The following MTSS1 variants were observed in gnomAD, a reference collection of about 807,000 sequenced individuals.
MTSS1 encodes MTSS I-BAR domain containing 1, also known as protein MTSS 1.
In MTSS1, 18 loss-of-function variants were observed where a neutral mutation model predicts 79.0. That is an observed-to-expected ratio of 0.23 (90% CI 0.16 to 0.34). The LOEUF is 0.34. Among genes scored for constraint, MTSS1 ranks in the 10% least tolerant of loss-of-function variants. MTSS1 has a pLI of 1.00. For synonymous variants in MTSS1, 341 were observed against 368.6 expected, an observed-to-expected ratio of 0.93 and a Z score of 0.86; for missense variants, 815 against 986.2, an observed-to-expected ratio of 0.83 and a Z score of 2.33.
intron 3 of MTSS1, among the ~76,000 whole-genome samples, chr8:124,688,238 G>A (rs1434156124): frequency 6.6e-6 from 1 of 151,724 alleles, no homozygotes; most frequent in African/African-American, 2.4e-5. Flanking sequence ...TGTATGTTGT[G>A]TATGTTGTGC....
At chr8:124,644,050 C>G (rs1420160708) in intron 3 of MTSS1, among the ~76,000 whole-genome samples, 4 of 152,060 alleles carry the variant, frequency 2.6e-5, no homozygotes, top group Non-Finnish European at 4.4e-5. Flanking sequence ...TGCTTGAGTA[C>G]AGAAAGAAGA....
rs1232606796 is a variant in MTSS1 at position 124,624,700 on chromosome 8, T to C, written c.209-33465A>G. Among the ~76,000 whole-genome samples the C allele has an allele frequency of 2.6e-5, 4 of 152,182 alleles. No homozygotes were observed. The East Asian group carries it at 7.7e-4, about 29-fold the overall frequency. On this transcript the variant is annotated intron_variant, in intron 3 of 13. Transcript: ENST00000518547. ...ATATCCCTGCACCATGCCAGCCACGTTGATGGCGCTGAAATAAATGTCTGT... is the reference window on the plus strand; with the variant it reads ...ATATCCCTGCACCATGCCAGCCACGCTGATGGCGCTGAAATAAATGTCTGT...
At position 124,552,428 on chromosome 8, in the gene MTSS1, A is replaced by G. The variant is rs574445075; in HGVS notation, c.*564T>C. The G allele has an allele frequency of 7.1e-5, 11 of 154,324 alleles. No homozygotes were observed. Among genetic ancestry groups the G allele is most frequent in the African/African-American group, 2.4e-4 (10 of 41,522 alleles). The allele number at this position is 154,324 out of a possible 1,614,324, so 9.6% of individuals were successfully genotyped here. On this transcript the variant is annotated 3_prime_UTR_variant, in exon 14 of 14. Transcript: ENST00000518547. ...TCCCAACACAGTCTACCATTTCCAG[A>G]TTTACTTCACTCTGAATATTGCTCA...
intron 3 of MTSS1, among the ~76,000 whole-genome samples, chr8:124,658,631 G>A (rs1012682354): frequency 2.2e-4 from 33 of 152,198 alleles, no homozygotes; most frequent in African/African-American, 8.0e-4. Flanking sequence ...AATGCAAAGA[G>A]GGAGCTAGGA....
chr8:124,631,122 A>C (rs1161978222), intron 3 of MTSS1, among the ~76,000 whole-genome samples: 1 of 152,212 alleles, frequency 6.6e-6, no homozygotes, highest in East Asian at 1.9e-4. Flanking sequence ...CTTGAGCCTG[A>C]AACATACACG....
At chr8:124,637,201 C>T (rs1817172331) in intron 3 of MTSS1, among the ~76,000 whole-genome samples, 1 of 152,202 alleles carries the variant, frequency 6.6e-6, no homozygotes. Context: ...TTTCTAGAGC[C>T]ATCCTACTCC....
At chr8:124,694,273 C>T (rs1262819704) in intron 3 of MTSS1, among the ~76,000 whole-genome samples, 3 of 152,058 alleles carry the variant, frequency 2.0e-5, no homozygotes, top group Non-Finnish European at 4.4e-5. Flanking sequence ...GGCCACTGTG[C>T]CATCTGCTTG....
rs555606194 is a variant in MTSS1, at chr8:124,706,042, C to G, written c.73-1851G>C. ...TGAAGAAACAATTACAGTATTACTT[C>G]AGTTTCATTTTCTTCTGTTAAATGA... On this transcript the variant is annotated intron_variant, in intron 1 of 13. Transcript: ENST00000518547. Among the ~76,000 whole-genome samples the G allele has an allele frequency of 2.0e-5, 3 of 152,316 alleles. No individual in the cohort carries two copies. The East Asian group carries it at 5.8e-4, about 29-fold the overall frequency.
At chr8:124,571,932 C>A (rs1827877482) in intron 6 of MTSS1, among the ~76,000 whole-genome samples, 1 of 152,008 alleles carries the variant, frequency 6.6e-6, no homozygotes, top group African/African-American at 2.4e-5. Flanking sequence ...CCACTGCACT[C>A]CAGCCTGGGC....
chr8:124,600,140 C>T (rs1462841052), intron 3 of MTSS1, among the ~76,000 whole-genome samples: 1 of 151,898 alleles, frequency 6.6e-6, no homozygotes, highest in Non-Finnish European at 1.5e-5. Context: ...CTGTGATTTC[C>T]ATGTCGGGCT....
chr8:124,660,432 GCACACACACACACACACACA>G (rs5894719), intron 3 of MTSS1, among the ~76,000 whole-genome samples: 1 of 140,706 alleles, frequency 7.1e-6, no homozygotes, highest in East Asian at 2.1e-4. Context: ...CCATGCGCAT[GCACACACACACACACACACA>G]CACACACACA....
intron 3 of MTSS1, among the ~76,000 whole-genome samples, chr8:124,666,820 G>T (rs910605624): frequency 2.6e-5 from 4 of 152,150 alleles, no homozygotes; most frequent in African/African-American, 9.7e-5. Flanking sequence ...ATTAATGGGG[G>T]TCCTGGGGAG....
intron 3 of MTSS1, among the ~76,000 whole-genome samples, chr8:124,670,811 C>G (rs188705680): frequency 6.6e-6 from 1 of 152,044 alleles, no homozygotes; most frequent in East Asian, 1.9e-4. Flanking sequence ...GTCCAGAGAC[C>G]GCAGATTAAA....
intron 2 of MTSS1, among the ~76,000 whole-genome samples, chr8:124,702,324 G>A (rs1269889299): frequency 6.6e-6 from 1 of 152,304 alleles, no homozygotes; most frequent in Non-Finnish European, 1.5e-5. Context: ...AGTAGATATG[G>A]CTAAATAAGG....
At chr8:124,625,859 A>G (rs910990737) in intron 3 of MTSS1, among the ~76,000 whole-genome samples, 1 of 152,200 alleles carries the variant, frequency 6.6e-6, no homozygotes, top group African/African-American at 2.4e-5. Flanking sequence ...CACTGTTTTC[A>G]TCCAAGAAAT....
At chr8:124,616,337 T>C (rs1186437301) in intron 3 of MTSS1, among the ~76,000 whole-genome samples, 1 of 148,076 alleles carries the variant, frequency 6.8e-6, no homozygotes, top group Non-Finnish European at 1.5e-5. Context: ...TTGTCATTGC[T>C]GCGGCTGTTG....
intron 3 of MTSS1, among the ~76,000 whole-genome samples, chr8:124,674,060 G>C (rs1563976280): frequency 6.6e-6 from 1 of 152,166 alleles, no homozygotes; most frequent in Non-Finnish European, 1.5e-5. Flanking sequence ...AGGGCACAAG[G>C]CTCTTCCCTG....
intron 9 of MTSS1, 136 bp from the exon 10 acceptor site, chr8:124,563,128 C>T: frequency 1.4e-6 from 1 of 732,660 alleles, no homozygotes; most frequent in Non-Finnish European, 2.2e-6. Context: ...TAGCTCTCTG[C>T]CCTGGAGATG....
chr8:124,680,423 C>T (rs6984418), intron 3 of MTSS1, among the ~76,000 whole-genome samples: 150,728 of 152,332 alleles, frequency 0.99, 74,582 homozygotes, highest in South Asian at 1. Flanking sequence ...TCTCAGCTAA[C>T]AGTGGCTAAG....
Sources: allele counts gnomAD v4.1 joint callset (sites outside exome capture counted in the v4.1 genomes callset), GRCh38; gene constraint gnomAD v4.1.1; transcripts MANE v1.5; gene names NCBI Gene and HGNC (gene_info 2026-07-23, HGNC 2026-07-21).